BICC1: variants seen among roughly 807,000 people sequenced by gnomAD.
The protein encoded by BICC1 is BicC family RNA binding protein 1, also known as protein bicaudal C homolog 1.
BICC1 carries 43 observed loss-of-function variants against 111.0 expected under a neutral mutation model. The observed-to-expected ratio is 0.39, with a 90% CI of 0.30 to 0.50. The LOEUF (loss-of-function observed/expected upper bound fraction) is 0.50, where lower values mean the gene tolerates loss of function less well. BICC1 is among the 20% of genes least tolerant of loss of function. BICC1 has a pLI of 0.88. For missense variants in BICC1, 1,091 were observed against 1,203.2 expected (o/e 0.91, Z 1.38); for synonymous variants, 467 against 434.4 (o/e 1.07, Z -0.93).
chr10:58,645,363 C>T lies in BICC1; in HGVS notation c.237+24462C>T, dbSNP rs535336400. ...CGGAGCTTGCAGTGAGCCGAGATCG[C>T]GCCACTGCGCTCCAGCCTGGGCGAC... On this transcript the variant is annotated intron_variant, in intron 2 of 20. Transcript: ENST00000373886. Among the ~76,000 whole-genome samples, 7 of 118,036 alleles carry T rather than the reference C, an allele frequency of 5.9e-5. No homozygotes were observed. The East Asian group carries it at 1.1e-3, about 19-fold the overall frequency. 77.4% of individuals were successfully genotyped at this position (118,036 alleles called of 152,430 possible). A position where few individuals can be genotyped will look rare whatever the true frequency, so the allele number is the denominator to read the frequency against.
rs183021086 is a variant in BICC1, at chr10:58,743,111, C to T, written c.307+40968C>T. 1.9e-4 allele frequency among the ~76,000 whole-genome samples: 29 copies of T among 152,204 alleles called. No individual in the cohort carries two copies. The East Asian group carries it at 3.9e-3, about 20-fold the overall frequency. On this transcript the variant is annotated intron_variant, in intron 3 of 20. Transcript: ENST00000373886. ...GTAGGATGATGGCTCAAAAGGCATT[C>T]GGGTGGTGGTGGTTGTTCGGGAAAG...
chr10:58,715,856 C>A lies in BICC1; in HGVS notation c.307+13713C>A. The A allele has an allele frequency of 2.5e-6, 3 of 1,220,074 alleles. No individual in the cohort carries two copies. In the South Asian group the frequency reaches 3.9e-5, roughly 16 times the overall value. The allele number at this position is 1,220,074 out of a possible 1,614,324, so 75.6% of individuals were successfully genotyped here. ...AGAAAGAAAAAAGAAAAGAAGAAAT[C>A]TGATAGGTATTCATCTTCTTCATCA... On this transcript the variant is annotated intron_variant, in intron 3 of 20. Coordinates refer to ENST00000373886, the MANE Select transcript of BICC1 (RefSeq NM_001080512.3).
chr10:58,755,234 A>T (rs1484653655), intron 3 of BICC1, among the ~76,000 whole-genome samples: 1 of 152,102 alleles, frequency 6.6e-6, no homozygotes, highest in Non-Finnish European at 1.5e-5. Flanking sequence ...ACTTGGTTTG[A>T]TTTGGAATTT....
chr10:58,679,466 C>A (rs1839447378), intron 2 of BICC1, among the ~76,000 whole-genome samples: 1 of 152,124 alleles, frequency 6.6e-6, no homozygotes, highest in African/African-American at 2.4e-5. Context: ...GACACATACA[C>A]CCTCCAAAGA....
intron 1 of BICC1, among the ~76,000 whole-genome samples, chr10:58,609,600 C>A (rs1452871733): frequency 6.6e-6 from 1 of 152,162 alleles, no homozygotes; most frequent in Non-Finnish European, 1.5e-5. Context: ...AACATGTAAT[C>A]AAAACATTAT....
intron 10 of BICC1, among the ~76,000 whole-genome samples, chr10:58,797,583 T>C (rs1843396436): frequency 6.6e-6 from 1 of 152,184 alleles, no homozygotes; most frequent in Non-Finnish European, 1.5e-5. Context: ...ATTAGGTAAC[T>C]TAGCAGGAAC....
chr10:58,558,262 G>C (rs982928724), intron 1 of BICC1, among the ~76,000 whole-genome samples: 15 of 152,060 alleles, frequency 9.9e-5, no homozygotes, highest in Admixed American at 7.2e-4. Flanking sequence ...CACTCAAGGA[G>C]TAAGCCTGAA....
intron 16 of BICC1, 29 bp downstream of exon 16, chr10:58,806,652 G>C: frequency 6.4e-7 from 1 of 1,567,082 alleles, no homozygotes; most frequent in Non-Finnish European, 8.8e-7. Flanking sequence ...ACTTACACTT[G>C]ACTATATTTT....
chr10:58,741,393 A>G (rs1464824524), intron 3 of BICC1, among the ~76,000 whole-genome samples: 1 of 152,232 alleles, frequency 6.6e-6, no homozygotes, highest in African/African-American at 2.4e-5. Context: ...TTTCGGGGGA[A>G]GAAATATTAA....
chr10:58,546,879 C>A (rs1370312847), intron 1 of BICC1, among the ~76,000 whole-genome samples: 1 of 152,088 alleles, frequency 6.6e-6, no homozygotes. Flanking sequence ...TATTGGCCTC[C>A]TGCCTTTTAA....
In BICC1 at chr10:58,800,066, C is replaced by G. The variant is rs373266932; in HGVS notation, c.1726-128C>G. 8 of 633,426 alleles carry G rather than the reference C, an allele frequency of 1.3e-5. No individual in the cohort carries two copies. In the Middle Eastern group the frequency reaches 2.2e-3, roughly 177 times the overall value. The allele number at this position is 633,426 out of a possible 1,614,324, so 39.2% of individuals were successfully genotyped here. ...AGTTCTCCTTGTAGATATATTTCAT[C>G]TCCTTAGTTAGAAGTATTCCAGGGT... On this transcript the variant is annotated intron_variant, in intron 12 of 20. Coordinates refer to ENST00000373886, the MANE Select transcript of BICC1 (RefSeq NM_001080512.3).
intron 1 of BICC1, among the ~76,000 whole-genome samples, chr10:58,527,039 C>T (rs1842562303): frequency 6.6e-6 from 1 of 152,190 alleles, no homozygotes; most frequent in Non-Finnish European, 1.5e-5. Context: ...TTTACAGTAC[C>T]ACCAACGGTT....
At chr10:58,658,370 G>C (rs567194063) in intron 2 of BICC1, among the ~76,000 whole-genome samples, 1 of 152,080 alleles carries the variant, frequency 6.6e-6, no homozygotes, top group African/African-American at 2.4e-5. Context: ...TGTATTTTTA[G>C]TAGAGACGGG....
intron 3 of BICC1, among the ~76,000 whole-genome samples, chr10:58,763,786 C>T (rs748308633): frequency 2.6e-4 from 39 of 151,718 alleles, no homozygotes; most frequent in Non-Finnish European, 1.8e-4. Context: ...GTTTACTAGG[C>T]GTTTGAGACT....
chr10:58,696,346 A>T (rs142206615), intron 2 of BICC1, among the ~76,000 whole-genome samples: 4,241 of 152,210 alleles, frequency 0.028, 111 homozygotes, highest in Non-Finnish European at 0.044. Context: ...TATAAAAAAA[A>T]ATTTTCTTAC....
At chr10:58,512,752 G>A (rs1025721361), upstream of BICC1, among the ~76,000 whole-genome samples, 2 of 151,466 alleles carry the variant, frequency 1.3e-5, no homozygotes, top group African/African-American at 2.4e-5. Flanking sequence ...GCCAGGGGCC[G>A]CCCGCCCGCC....
chr10:58,594,502 G>T (rs1844746115), intron 1 of BICC1, among the ~76,000 whole-genome samples: 1 of 152,156 alleles, frequency 6.6e-6, no homozygotes, highest in Admixed American at 6.5e-5. Context: ...ACAAAGGGAA[G>T]CCCATCAGAC....
chr10:58,677,341 T>C (rs925057325), intron 2 of BICC1, among the ~76,000 whole-genome samples: 1 of 152,216 alleles, frequency 6.6e-6, no homozygotes, highest in African/African-American at 2.4e-5. Context: ...AAATAATCAG[T>C]TTAGAGAACA....
intron 1 of BICC1, among the ~76,000 whole-genome samples, chr10:58,546,890 A>G (rs1843151994): frequency 6.6e-6 from 1 of 152,234 alleles, no homozygotes; most frequent in Admixed American, 6.5e-5. Context: ...TGCCTTTTAA[A>G]TATTTAAGGG....
Sources: allele counts gnomAD v4.1 joint callset (sites outside exome capture counted in the v4.1 genomes callset), GRCh38; gene constraint gnomAD v4.1.1; transcripts MANE v1.5; gene names NCBI Gene and HGNC (gene_info 2026-07-23, HGNC 2026-07-21).